The following NAALADL2 variants were observed in gnomAD, a reference collection of about 807,000 sequenced individuals.
NAALADL2 encodes the protein N-acetylated alpha-linked acidic dipeptidase like 2.
In NAALADL2, 76 loss-of-function variants were observed where a neutral mutation model predicts 87.2. That is an observed-to-expected ratio of 0.87 (90% CI 0.72 to 1.05). The LOEUF is 1.05. NAALADL2 is among the 50% of genes least tolerant of loss of function. The pLI, the probability that NAALADL2 is intolerant of heterozygous loss-of-function variation, is 0.00. For missense variants in NAALADL2, 1,089 were observed against 945.8 expected, an observed-to-expected ratio of 1.15 and a Z score of -1.99; for synonymous variants, 354 against 331.0, an observed-to-expected ratio of 1.07 and a Z score of -0.75.
At chr3:175,443,491 A>G (rs1282982146) in intron 5 of NAALADL2, among the ~76,000 whole-genome samples, 1 of 152,204 alleles carries the variant, frequency 6.6e-6, no homozygotes, top group African/African-American at 2.4e-5. Flanking sequence ...ATAGGGATAG[A>G]CGGGTTTTGA....
intron 5 of NAALADL2, among the ~76,000 whole-genome samples, chr3:175,446,980 A>G (rs960315058): frequency 1.1e-4 from 16 of 152,136 alleles, no homozygotes; most frequent in Non-Finnish European, 1.8e-4. Context: ...TTATGGGACA[A>G]TGGAGGTAAG....
chr3:174,442,387 A>ATT lies in NAALADL2; in HGVS notation c.-184+1362_-184+1363dup, dbSNP rs5854571. 5.0e-3 allele frequency among the ~76,000 whole-genome samples: 757 copies of ATT among 151,978 alleles called. 6 individuals are homozygous for ATT. The highest frequency in any genetic ancestry group is 0.032 in the East Asian group (165 of 5,158). ...TACTTTCACCTTTAATTTTTTAGAG[A>ATT]TTTTTTTTCTCCTTTACAATCGGCA... On this transcript the variant is annotated intron_variant, in intron 1 of 3. Coordinates refer to the NAALADL2 transcript ENST00000434257.
At chr3:175,191,122 G>T (rs1738128761) in intron 2 of NAALADL2, among the ~76,000 whole-genome samples, 1 of 152,104 alleles carries the variant, frequency 6.6e-6, no homozygotes, top group African/African-American at 2.4e-5. Flanking sequence ...GATTTTAGGG[G>T]CTCTTGCCAC....
intron 1 of NAALADL2, among the ~76,000 whole-genome samples, chr3:174,526,769 C>T (rs1488948570): frequency 6.6e-6 from 1 of 151,576 alleles, no homozygotes; most frequent in Non-Finnish European, 1.5e-5. Context: ...TCTGTCACCC[C>T]AGATTCAAGT....
intron 1 of NAALADL2, among the ~76,000 whole-genome samples, chr3:174,499,288 G>T (rs973869344): frequency 5.9e-5 from 9 of 152,004 alleles, no homozygotes; most frequent in African/African-American, 1.2e-4. Context: ...TCTTTATGTT[G>T]TTGAGATATA....
At position 175,543,782 on chromosome 3, in the gene NAALADL2, C is replaced by G. The variant is rs190104995; in HGVS notation, c.1654-32259C>G. Among the ~76,000 whole-genome samples, 93 of 152,116 alleles carry G rather than the reference C, an allele frequency of 6.1e-4. 2 individuals are homozygous for G. The highest frequency in any genetic ancestry group is 7.2e-4 in the Admixed American group (11 of 15,276). The stretch of plus-strand genomic sequence containing the variant: ...AGATTTGGGTGGGGAAACAGCCAAA[C>G]CATATCACCAGATAATTAATGGTAA... On this transcript the variant is annotated intron_variant, in intron 9 of 13. Coordinates refer to ENST00000454872, the MANE Select transcript of NAALADL2 (RefSeq NM_207015.3).
intron 5 of NAALADL2, among the ~76,000 whole-genome samples, chr3:175,446,304 T>C (rs1405747039): frequency 6.6e-6 from 1 of 151,948 alleles, no homozygotes; most frequent in African/African-American, 2.4e-5. Context: ...GCAAGTAGCA[T>C]GGCCTTGACT....
intron 2 of NAALADL2, among the ~76,000 whole-genome samples, chr3:175,170,150 A>G (rs1734587955): frequency 6.6e-6 from 1 of 151,830 alleles, no homozygotes; most frequent in African/African-American, 2.4e-5. Context: ...TTCCCAAACT[A>G]TATTTCTCTT....
At position 175,701,826 on chromosome 3, in the gene NAALADL2, A is replaced by C. The variant is rs149330231; in HGVS notation, c.1897-35480A>C. Among the ~76,000 whole-genome samples, 292 of 152,270 alleles carry C rather than the reference A, an allele frequency of 1.9e-3. 1 individual carries two copies. Among genetic ancestry groups the C allele is most frequent in the African/African-American group, 6.6e-3 (273 of 41,574 alleles). On this transcript the variant is annotated intron_variant, in intron 11 of 13. Transcript: ENST00000454872. Reference sequence around the variant, plus strand: ...GGATGGCATTATTGTAATTGAATTAACTTCTCTATTTAGGTAATATTAACA... The same window carrying C: ...GGATGGCATTATTGTAATTGAATTACCTTCTCTATTTAGGTAATATTAACA...
chr3:174,580,782 G>A (rs1716081872), intron 2 of NAALADL2, among the ~76,000 whole-genome samples: 1 of 151,926 alleles, frequency 6.6e-6, no homozygotes, highest in Non-Finnish European at 1.5e-5. Context: ...TTTCAGCTTT[G>A]GGCTATGAAC....
At chr3:175,619,546 G>A (rs993763445) in intron 10 of NAALADL2, among the ~76,000 whole-genome samples, 3 of 151,060 alleles carry the variant, frequency 2.0e-5, no homozygotes, top group Admixed American at 1.3e-4. Context: ...CTATGCTAAT[G>A]GATTTTTTCA....
intron 3 of NAALADL2, among the ~76,000 whole-genome samples, chr3:174,816,495 A>G (rs1349534884): frequency 1.5e-5 from 2 of 132,096 alleles, no homozygotes; most frequent in Non-Finnish European, 3.2e-5. Context: ...GCATATATAT[A>G]CATTATTTTA....
chr3:174,749,325 T>G (rs146624686), intron 3 of NAALADL2, among the ~76,000 whole-genome samples: 1 of 152,178 alleles, frequency 6.6e-6, no homozygotes, highest in Non-Finnish European at 1.5e-5. Flanking sequence ...AATGTTAAAC[T>G]AGCATTACCT....
intron 1 of NAALADL2, among the ~76,000 whole-genome samples, chr3:174,930,613 A>AATTTTTTTTTTTTTTTTTTT (rs1188907600): frequency 3.0e-5 from 3 of 99,788 alleles, no homozygotes; most frequent in East Asian, 3.6e-4. Flanking sequence ...AATAAGATGA[A>AATTTTTTTTTTTTTTTTTTT]CTTTTTTTTT....
At chr3:175,251,851 C>T (rs1749128740) in intron 3 of NAALADL2, among the ~76,000 whole-genome samples, 2 of 152,122 alleles carry the variant, frequency 1.3e-5, no homozygotes, top group African/African-American at 4.8e-5. Flanking sequence ...GCAAATCCAT[C>T]AAAACATTGA....
At chr3:175,215,609 A>G (rs1166537290) in intron 2 of NAALADL2, among the ~76,000 whole-genome samples, 1 of 152,178 alleles carries the variant, frequency 6.6e-6, no homozygotes, top group Non-Finnish European at 1.5e-5. Flanking sequence ...TCCTGGCCTC[A>G]GAAATTCTGC....
chr3:174,754,710 G>A (rs751289920), intron 3 of NAALADL2, among the ~76,000 whole-genome samples: 4 of 152,070 alleles, frequency 2.6e-5, no homozygotes, highest in Non-Finnish European at 5.9e-5. Flanking sequence ...AGAATGGATT[G>A]AGTTGGAATA....
chr3:175,492,581 C>A (rs1728257777), intron 9 of NAALADL2, among the ~76,000 whole-genome samples: 1 of 152,122 alleles, frequency 6.6e-6, no homozygotes, highest in Admixed American at 6.6e-5. Context: ...CGGAGCGAAG[C>A]CTGTACCCAT....
At chr3:174,894,209 A>G (rs952667395) in intron 1 of NAALADL2, among the ~76,000 whole-genome samples, 29 of 152,134 alleles carry the variant, frequency 1.9e-4, no homozygotes, top group East Asian at 1.9e-4. Flanking sequence ...TAAAGTAAAT[A>G]TTAATAGAGC....
Sources: gnomAD v4.1 joint callset for allele counts (sites outside exome capture counted in the v4.1 genomes callset) on GRCh38, gnomAD v4.1.1 for gene constraint, MANE v1.5 for transcripts, NCBI Gene and HGNC (gene_info 2026-07-23, HGNC 2026-07-21) for gene names.